Variants in ARL15 observed in about 807,000 individuals in gnomAD.
ARL15 encodes the protein ADP-ribosylation factor-like protein 15.
In ARL15, 19 loss-of-function variants were observed where a neutral mutation model predicts 25.2. That is an observed-to-expected ratio of 0.75 (90% CI 0.53 to 1.10). The LOEUF (loss-of-function observed/expected upper bound fraction) is 1.10, where lower values mean the gene tolerates loss of function less well. ARL15 is among the 50% of genes least tolerant of loss of function. The pLI, the probability that ARL15 is intolerant of heterozygous loss-of-function variation, is 0.00. For missense variants in ARL15, 220 were observed against 246.0 expected (o/e 0.89, Z 0.71); for synonymous variants, 94 against 86.8 (o/e 1.08, Z -0.46).
Position 54,187,985 on chromosome 5 carries a change from T to A in ARL15, c.49-16057A>T, listed in dbSNP as rs1755286883. ...AAGGATGTGTGACTAGCCATTCTTT[T>A]CTTTCTTTCTTTTTTAAATAAAAAC... On this transcript the variant is annotated intron_variant, in intron 1 of 4. Coordinates refer to ENST00000504924, the MANE Select transcript of ARL15 (RefSeq NM_019087.3). Among the ~76,000 whole-genome samples the A allele has an allele frequency of 2.0e-5, 3 of 152,192 alleles. No individual in the cohort carries two copies. The South Asian group carries it at 6.2e-4, about 32-fold the overall frequency.
intron 1 of ARL15, among the ~76,000 whole-genome samples, chr5:54,222,032 A>G (rs1427257246): frequency 1.3e-5 from 2 of 152,236 alleles, no homozygotes; most frequent in Non-Finnish European, 2.9e-5. Context: ...TTCTAAAAGC[A>G]AATTTTAAAT....
intron 4 of ARL15, among the ~76,000 whole-genome samples, chr5:54,038,604 T>C (rs1199328957): frequency 6.6e-6 from 1 of 152,104 alleles, no homozygotes; most frequent in Non-Finnish European, 1.5e-5. Flanking sequence ...TAGAGTGATA[T>C]AAATAAGACT....
intron 4 of ARL15, among the ~76,000 whole-genome samples, chr5:53,892,459 A>C (rs1744746560): frequency 2.0e-5 from 3 of 152,200 alleles, no homozygotes; most frequent in Non-Finnish European, 4.4e-5. Flanking sequence ...ACTGTCTTGA[A>C]CCACGTGCAG....
chr5:54,059,425 G>A (rs1335932003), intron 4 of ARL15, among the ~76,000 whole-genome samples: 4 of 152,190 alleles, frequency 2.6e-5, no homozygotes, highest in East Asian at 1.9e-4. Context: ...CATAGTGCAC[G>A]GACTTCGATG....
At chr5:54,206,463 G>A (rs1166475889) in intron 1 of ARL15, among the ~76,000 whole-genome samples, 6 of 152,170 alleles carry the variant, frequency 3.9e-5, no homozygotes, top group Admixed American at 2.6e-4. Flanking sequence ...GGAAAGAACA[G>A]GGTGCCTCTT....
At chr5:54,238,011 A>G (rs1026997428) in intron 1 of ARL15, among the ~76,000 whole-genome samples, 1 of 152,228 alleles carries the variant, frequency 6.6e-6, no homozygotes. Flanking sequence ...GACGTTTACT[A>G]TAATAATAAT....
chr5:54,011,112 A>G (rs192422644), intron 4 of ARL15, among the ~76,000 whole-genome samples: 85 of 152,272 alleles, frequency 5.6e-4, no homozygotes, highest in African/African-American at 1.9e-3. Context: ...GAGTGGAAAA[A>G]GCCCTCCGTG....
chr5:54,240,766 A>G (rs1756937718), intron 1 of ARL15, among the ~76,000 whole-genome samples: 1 of 152,154 alleles, frequency 6.6e-6, no homozygotes. Context: ...AAAGCTCCGA[A>G]ATCCACAAAG....
At chr5:54,179,668 GT>G (rs1274904556) in intron 1 of ARL15, among the ~76,000 whole-genome samples, 1 of 152,020 alleles carries the variant, frequency 6.6e-6, no homozygotes, top group African/African-American at 2.4e-5. Context: ...CTTTCACACT[GT>G]TTGCTTCTTT....
intron 4 of ARL15, among the ~76,000 whole-genome samples, chr5:53,997,962 A>G (rs1748735192): frequency 6.6e-6 from 1 of 151,944 alleles, no homozygotes; most frequent in South Asian, 2.1e-4. Flanking sequence ...ATAATCCCTC[A>G]CCTTAAACAC....
At chr5:53,971,848 T>G (rs1418752745) in intron 4 of ARL15, among the ~76,000 whole-genome samples, 1 of 152,154 alleles carries the variant, frequency 6.6e-6, no homozygotes, top group East Asian at 1.9e-4. Context: ...TTTGCTGAAT[T>G]TCTTAAAGGT....
intron 4 of ARL15, among the ~76,000 whole-genome samples, chr5:53,923,103 G>T (rs1323386200): frequency 6.6e-6 from 1 of 152,172 alleles, no homozygotes; most frequent in Non-Finnish European, 1.5e-5. Context: ...TCAAGTGACA[G>T]GGAACTTCAA....
At chr5:54,237,295 C>T (rs912488884) in intron 1 of ARL15, among the ~76,000 whole-genome samples, 1 of 152,202 alleles carries the variant, frequency 6.6e-6, no homozygotes, top group Non-Finnish European at 1.5e-5. Flanking sequence ...TTTCCTGAGG[C>T]CTCACCTGCC....
intron 4 of ARL15, among the ~76,000 whole-genome samples, chr5:54,013,390 A>G (rs530847153): frequency 1.3e-5 from 2 of 152,320 alleles, no homozygotes; most frequent in African/African-American, 2.4e-5. Flanking sequence ...GCACAGGCCA[A>G]GCTAACCATT....
chr5:54,229,438 TG>T (rs1395817947), intron 1 of ARL15, among the ~76,000 whole-genome samples: 31 of 152,082 alleles, frequency 2.0e-4, no homozygotes, highest in African/African-American at 7.2e-4. Flanking sequence ...ACGAGAGATA[TG>T]AAAGCAAGCA....
intron 4 of ARL15, among the ~76,000 whole-genome samples, chr5:54,030,965 A>C (rs1749962572): frequency 6.6e-6 from 1 of 152,182 alleles, no homozygotes; most frequent in Admixed American, 6.5e-5. Flanking sequence ...ACAAACAAGG[A>C]GCCACCTGGA....
chr5:54,021,205 C>G (rs1383383958), intron 4 of ARL15, among the ~76,000 whole-genome samples: 1 of 151,556 alleles, frequency 6.6e-6, no homozygotes, highest in Non-Finnish European at 1.5e-5. Flanking sequence ...TGTGGTGGCA[C>G]ATGCCTGTAA....
At chr5:53,935,077 G>A (rs1231101481) in intron 4 of ARL15, among the ~76,000 whole-genome samples, 18 of 152,180 alleles carry the variant, frequency 1.2e-4, no homozygotes, top group Non-Finnish European at 2.6e-4. Context: ...AGAGGAGGGA[G>A]GATCACAATA....
At chr5:53,935,952 T>C (rs1051528985) in intron 4 of ARL15, among the ~76,000 whole-genome samples, 1 of 152,152 alleles carries the variant, frequency 6.6e-6, no homozygotes, top group Non-Finnish European at 1.5e-5. Flanking sequence ...TTTCACCATG[T>C]TGGCCACACT....
Sources: allele counts gnomAD v4.1 joint callset (sites outside exome capture counted in the v4.1 genomes callset), GRCh38; gene constraint gnomAD v4.1.1; transcripts MANE v1.5; gene names NCBI Gene and HGNC (gene_info 2026-07-23, HGNC 2026-07-21).